NPEPL1: variants seen among roughly 807,000 people sequenced by gnomAD.
NPEPL1 encodes probable aminopeptidase NPEPL1.
Under a neutral mutation model 52.4 loss-of-function variants are expected in NPEPL1, and 45 were observed. The observed-to-expected ratio is 0.86, with a 90% CI of 0.68 to 1.10. NPEPL1 has a LOEUF of 1.10. Ranked by LOEUF, NPEPL1 falls within the 50% of genes least tolerant of loss-of-function variation. NPEPL1 has a pLI of 0.00. For synonymous variants in NPEPL1, 360 were observed against 314.7 expected (o/e 1.14, Z -1.52); for missense variants, 696 against 710.9 (o/e 0.98, Z 0.24).
rs2084936888 is a variant in NPEPL1, at chr20:58,715,695, G to A, written c.*369G>A. ...TGACAGCCAGGCTCTTACTCCAGCC[G>A]GGGCTGCCAGCGCATCCAGCCAGCC... is the stretch of plus-strand genomic sequence containing the variant. On this transcript the variant is annotated 3_prime_UTR_variant, in exon 12 of 12. Transcript: ENST00000356091. 5.7e-6 allele frequency: 1 copy of A among 175,680 alleles called. No individual in the cohort carries two copies. The highest frequency in any genetic ancestry group is 2.4e-5 in the African/African-American group (1 of 42,074). 10.9% of individuals were successfully genotyped at this position (175,680 alleles called of 1,614,324 possible). A position where few individuals can be genotyped will look rare whatever the true frequency, so the allele number is the denominator to read the frequency against.
chr20:58,709,798 A>G (rs1038756953), intron 7 of NPEPL1, among the ~76,000 whole-genome samples: 12 of 152,230 alleles, frequency 7.9e-5, no homozygotes, highest in Admixed American at 3.3e-4. Flanking sequence ...CCAAGGCCAC[A>G]AAAGACAAAG....
In NPEPL1 at chr20:58,701,163, G is replaced by C. The variant is rs765873121; in HGVS notation, c.822+5G>C. On this transcript the variant is annotated splice_donor_5th_base_variant and intron_variant, in intron 6 of 11. Transcript: ENST00000356091. ...GGCCTCAGCATCAAAGGGAAGGTGAGGTGCGGGCTGGCTCTCAGGGTGCCC... is the reference window on the plus strand; with the variant it reads ...GGCCTCAGCATCAAAGGGAAGGTGACGTGCGGGCTGGCTCTCAGGGTGCCC... 53 of 1,546,448 alleles carry C rather than the reference G, an allele frequency of 3.4e-5. No homozygotes were observed. The highest frequency in any genetic ancestry group is 7.0e-6 in the Non-Finnish European group (8 of 1,146,034).
intron 8 of NPEPL1, chr20:58,712,788 T>G (rs1333575344): frequency 1.2e-5 from 8 of 670,140 alleles, no homozygotes; most frequent in Non-Finnish European, 2.2e-5. Flanking sequence ...GATGAGGTGC[T>G]AGGCTCCCGT....
At position 58,715,173 on chromosome 20, in the gene NPEPL1, G is replaced by A; in HGVS notation, c.1419G>A (p.Glu473=). ...GTCCTGCCCTTTGCTTGCAGGGTGA[G>A]CGAGCCACAGGCTTCGGTGTGGCCC... ...LDIAAPVHAG[E]RATGFGVALL... The change falls in exon 12 of 12, where the codon GAG becomes GAA. Residue 473 remains glutamate (E), a synonymous_variant. Coordinates refer to ENST00000356091, the MANE Select transcript of NPEPL1 (RefSeq NM_024663.4). The A allele has an allele frequency of 6.2e-7, 1 of 1,601,770 alleles. No homozygotes were observed. Among genetic ancestry groups the A allele is most frequent in the Non-Finnish European group, 8.5e-7 (1 of 1,176,642 alleles).
At chr20:58,704,184 G>C in intron 6 of NPEPL1, 1 of 985,344 alleles carries the variant, frequency 1.0e-6, no homozygotes. Context: ...ACGCAACGCA[G>C]CAGGCATTCT....
intron 3 of NPEPL1, among the ~76,000 whole-genome samples, chr20:58,696,810 A>G (rs1601098844): frequency 6.6e-6 from 1 of 152,218 alleles, no homozygotes; most frequent in Non-Finnish European, 1.5e-5. Flanking sequence ...GGTGCACTGA[A>G]TTCTCACTAC....
chr20:58,699,144 C>T, intron 4 of NPEPL1, 53 bp from the exon 5 acceptor site: 1 of 1,500,510 alleles, frequency 6.7e-7, no homozygotes. Context: ...TCTCCTGTTT[C>T]CAGCCATCTT....
At chr20:58,706,557 A>C (rs1187379241) in intron 6 of NPEPL1, among the ~76,000 whole-genome samples, 1 of 152,180 alleles carries the variant, frequency 6.6e-6, no homozygotes, top group Non-Finnish European at 1.5e-5. Flanking sequence ...CCATAAGCAC[A>C]CTAGGAATCT....
Position 58,714,761 on chromosome 20 carries a change from A to C in NPEPL1, c.1413+91A>C, listed in dbSNP as rs2084921258. 10 of 1,018,346 alleles carry C rather than the reference A, an allele frequency of 9.8e-6. No homozygotes were observed. In the South Asian group the frequency reaches 1.2e-4, roughly 12 times the overall value. 63.1% of individuals were successfully genotyped at this position (1,018,346 alleles called of 1,614,324 possible). On this transcript the variant is annotated intron_variant, in intron 11 of 11. Transcript: ENST00000356091. ...GGCTCTGGAGCTGCTGGCAGAGCTC[A>C]TCAGAAACTTCTGTCTGTGACCCAG...
rs965498985 is a variant in NPEPL1, at chr20:58,713,673, C to G, written c.1125+130C>G. On this transcript the variant is annotated intron_variant, in intron 9 of 11. Transcript: ENST00000356091. This position sits in a 1 kb window ranked among gnomAD's most constrained non-coding sequence, Gnocchi z 4.6. ...GTTTTCATAACTGGGCACGAGGAGG[C>G]AGGAGGAGCTGCCCGTCAAGCTTGG... 92 of 1,319,018 alleles carry G rather than the reference C, an allele frequency of 7.0e-5. No homozygotes were observed. Among genetic ancestry groups the G allele is most frequent in the Non-Finnish European group, 8.6e-5 (86 of 995,138 alleles). 81.7% of individuals were successfully genotyped at this position (1,319,018 alleles called of 1,614,324 possible). A position where few individuals can be genotyped will look rare whatever the true frequency, so the allele number is the denominator to read the frequency against.
intron 7 of NPEPL1, among the ~76,000 whole-genome samples, chr20:58,711,996 C>G (rs1194142298): frequency 6.6e-6 from 1 of 152,248 alleles, no homozygotes; most frequent in Non-Finnish European, 1.5e-5. Flanking sequence ...CAGGAACTGC[C>G]ACCATCTGTT....
intron 7 of NPEPL1, among the ~76,000 whole-genome samples, chr20:58,709,577 G>A (rs1480261655): frequency 6.6e-6 from 1 of 152,198 alleles, no homozygotes; most frequent in African/African-American, 2.4e-5. Context: ...TGCTCTCAGA[G>A]TGCCTCTCGC....
At chr20:58,704,257 C>A (rs2084694529) in intron 6 of NPEPL1, 1 of 984,944 alleles carries the variant, frequency 1.0e-6, no homozygotes, top group East Asian at 1.1e-4. Context: ...AGCAAGCCGG[C>A]TGGAGCCAGC....
At chr20:58,708,867 AG>A (rs1417952675) in intron 7 of NPEPL1, among the ~76,000 whole-genome samples, 1 of 151,896 alleles carries the variant, frequency 6.6e-6, no homozygotes, top group East Asian at 1.9e-4. Flanking sequence ...GCACGGGGGC[AG>A]GGGTGGGCAA....
intron 6 of NPEPL1, among the ~76,000 whole-genome samples, chr20:58,703,077 A>AAATC (rs2084667317): frequency 6.6e-6 from 1 of 152,168 alleles, no homozygotes; most frequent in Non-Finnish European, 1.5e-5. Flanking sequence ...GGGAGGTAGG[A>AAATC]AATCATGGGC....
Position 58,694,462 on chromosome 20 carries a change from C to T in NPEPL1, c.377C>T (p.Ala126Val), listed in dbSNP as rs1474348973. Residue 126 changes from alanine to valine, a missense_variant, in exon 3 of 12, where the codon GCC (alanine) becomes GTC (valine). Physicochemically the swap from Ala to Val is moderately conservative, Grantham distance 64. Transcript: ENST00000356091. ...EQPEVFASAC[A>V]LARAFPLFTH... ...CCGGAGGTCTTTGCTTCCGCCTGTG[C>T]CCTGGCCCGGGCCTTCCCGCTGTTC... The T allele has an allele frequency of 1.9e-6, 3 of 1,613,398 alleles. No homozygotes were observed. Among genetic ancestry groups the T allele is most frequent in the African/African-American group, 2.7e-5 (2 of 74,924 alleles).
At chr20:58,691,928 C>T (rs749963264), upstream of NPEPL1, 6 of 806,548 alleles carry the variant, frequency 7.4e-6, no homozygotes, top group South Asian at 4.4e-5. Flanking sequence ...TGGGACCCTC[C>T]GCCTCCACCA....
In NPEPL1 at chr20:58,707,104, C is replaced by T. The variant is rs1416248098; in HGVS notation, c.823-19C>T. 5.8e-6 allele frequency: 9 copies of T among 1,550,314 alleles called. No homozygotes were observed. The highest frequency in any genetic ancestry group is 2.7e-5 in the African/African-American group (2 of 73,144). On this transcript the variant is annotated intron_variant, in intron 6 of 11. Transcript: ENST00000356091. Reference sequence around the variant, plus strand: ...CCTCACAGCTCACCTTTGTCCTGGTCCCTTTGTACCACCCGCAGACTACCA... The same window carrying T: ...CCTCACAGCTCACCTTTGTCCTGGTTCCTTTGTACCACCCGCAGACTACCA...
chr20:58,693,187 G>A, intron 1 of NPEPL1, 137 bp downstream of exon 1: 1 of 564,278 alleles, frequency 1.8e-6, no homozygotes, highest in East Asian at 1.4e-4. Flanking sequence ...CCTCCCTGAA[G>A]GGCTCAGCCG....
Sources: allele counts gnomAD v4.1 joint callset (sites outside exome capture counted in the v4.1 genomes callset), GRCh38; gene constraint gnomAD v4.1.1; non-coding constraint Gnocchi (gnomAD v3.1); transcripts MANE v1.5; gene names NCBI Gene and HGNC (gene_info 2026-07-23, HGNC 2026-07-21).